CCDC83: variants seen among roughly 807,000 people sequenced by gnomAD.
CCDC83 encodes the protein coiled-coil domain-containing protein 83.
In CCDC83, 54 loss-of-function variants were observed where a neutral mutation model predicts 50.1. That is an observed-to-expected ratio of 1.08 (90% confidence interval 0.87 to 1.35). The LOEUF is 1.35. Ranked by LOEUF, CCDC83 falls within the 40% of genes most tolerant of loss-of-function variation. CCDC83 has a pLI of 0.00. For missense variants in CCDC83, 518 were observed against 473.9 expected (o/e 1.09, Z -0.86); for synonymous variants, 161 against 153.3 (o/e 1.05, Z -0.37).
intron 2 of CCDC83, among the ~76,000 whole-genome samples, chr11:85,868,298 G>A (rs1021569696): frequency 2.0e-5 from 3 of 152,132 alleles, no homozygotes; most frequent in African/African-American, 4.8e-5. Flanking sequence ...ATATAGAAAC[G>A]GGTGAGAATA....
chr11:85,884,848 C>A (rs1228447108), intron 4 of CCDC83, among the ~76,000 whole-genome samples: 1 of 152,200 alleles, frequency 6.6e-6, no homozygotes, highest in Non-Finnish European at 1.5e-5. Context: ...AACAACTACC[C>A]ATCTGGCTTA....
chr11:85,912,868 G>A, intron 8 of CCDC83: 2 of 672,968 alleles, frequency 3.0e-6, no homozygotes, highest in Admixed American at 4.4e-5. Context: ...GATCAACTCA[G>A]TCTGGTATAT....
chr11:85,857,958 G>A (rs947844612), intron 1 of CCDC83, among the ~76,000 whole-genome samples: 3 of 152,224 alleles, frequency 2.0e-5, no homozygotes, highest in Admixed American at 6.5e-5. Context: ...GATGAAGGAT[G>A]ATGCCATCAT....
At chr11:85,864,457 T>C (rs954499464) in intron 1 of CCDC83, among the ~76,000 whole-genome samples, 1 of 152,210 alleles carries the variant, frequency 6.6e-6, no homozygotes, top group African/African-American at 2.4e-5. Context: ...TGATTTTCCC[T>C]TTTAAAAGGT....
intron 3 of CCDC83, among the ~76,000 whole-genome samples, chr11:85,879,924 G>A (rs753988065): frequency 1.6e-4 from 24 of 152,088 alleles, no homozygotes; most frequent in Admixed American, 5.9e-4. Context: ...CCTTGTGTGC[G>A]TCTGTTTCTG....
intron 7 of CCDC83, among the ~76,000 whole-genome samples, chr11:85,909,099 A>G (rs1167916063): frequency 6.6e-6 from 1 of 152,098 alleles, no homozygotes; most frequent in African/African-American, 2.4e-5. Flanking sequence ...ACGCCCAGCT[A>G]ATTTTTTATT....
intron 10 of CCDC83, chr11:85,916,649 T>C (rs889896836): frequency 7.3e-5 from 15 of 206,306 alleles, no homozygotes; most frequent in African/African-American, 3.6e-4. Flanking sequence ...GAAGGCTTGA[T>C]CGGGGCAGGA....
At chr11:85,875,786 T>G (rs1443271537) in intron 3 of CCDC83, among the ~76,000 whole-genome samples, 2 of 152,226 alleles carry the variant, frequency 1.3e-5, no homozygotes, top group East Asian at 3.8e-4. Flanking sequence ...CCCTCTTCTT[T>G]CCTACACATC....
At position 85,896,237 on chromosome 11, in the gene CCDC83, G is replaced by T. The variant is rs74572977; in HGVS notation, c.603+853G>T. Among the ~76,000 whole-genome samples, 1,408 of 151,820 alleles carry T rather than the reference G, an allele frequency of 9.3e-3. 43 individuals carry two copies. The highest frequency in any genetic ancestry group is 0.061 in the East Asian group (314 of 5,144). On this transcript the variant is annotated intron_variant, in intron 6 of 10. Coordinates refer to ENST00000342404, the MANE Select transcript of CCDC83 (RefSeq NM_001286159.2). Reference sequence around the variant, plus strand: ...AACTCAGGAGTTTGAGATCAAGCTTGGGCAACAGGGCAAAACCCTGTCTCA... The same window carrying T: ...AACTCAGGAGTTTGAGATCAAGCTTTGGCAACAGGGCAAAACCCTGTCTCA...
chr11:85,883,446 A>T (rs1308292103), intron 4 of CCDC83, among the ~76,000 whole-genome samples: 4 of 152,018 alleles, frequency 2.6e-5, no homozygotes, highest in African/African-American at 9.7e-5. Context: ...GGAAATAGGG[A>T]TTAGCGTTGG....
chr11:85,910,602 C>T (rs1294169438), intron 7 of CCDC83, among the ~76,000 whole-genome samples: 21 of 152,186 alleles, frequency 1.4e-4, no homozygotes, highest in Non-Finnish European at 2.9e-4. Flanking sequence ...CTAATATGCC[C>T]TATTGCTAAA....
intron 2 of CCDC83, among the ~76,000 whole-genome samples, chr11:85,866,078 CA>C (rs2093205157): frequency 6.6e-6 from 1 of 152,028 alleles, no homozygotes; most frequent in African/African-American, 2.4e-5. Context: ...GAGCTGGAGA[CA>C]AAACCATGGG....
At chr11:85,875,013 G>A (rs2093260885) in intron 3 of CCDC83, among the ~76,000 whole-genome samples, 1 of 152,178 alleles carries the variant, frequency 6.6e-6, no homozygotes, top group African/African-American at 2.4e-5. Context: ...TGCGAAGAGT[G>A]AGCAAGGCGG....
intron 1 of CCDC83, among the ~76,000 whole-genome samples, chr11:85,861,518 T>C (rs2093176043): frequency 6.6e-6 from 1 of 152,224 alleles, no homozygotes; most frequent in Non-Finnish European, 1.5e-5. Context: ...ACTTCTGTCA[T>C]TGCTAATGCT....
At chr11:85,900,852 G>A (rs2093397930) in intron 7 of CCDC83, among the ~76,000 whole-genome samples, 1 of 151,768 alleles carries the variant, frequency 6.6e-6, no homozygotes, top group African/African-American at 2.4e-5. Context: ...ATCGCTTGAG[G>A]CCAGGAGTTC....
intron 4 of CCDC83, among the ~76,000 whole-genome samples, chr11:85,885,342 T>C (rs1022065575): frequency 6.6e-6 from 1 of 152,206 alleles, no homozygotes; most frequent in African/African-American, 2.4e-5. Context: ...CAGACATTTA[T>C]TGAGCGCCAA....
At chr11:85,879,441 G>A (rs1190762339) in intron 3 of CCDC83, among the ~76,000 whole-genome samples, 1 of 151,928 alleles carries the variant, frequency 6.6e-6, no homozygotes, top group Admixed American at 6.6e-5. Flanking sequence ...AAATCAGTTC[G>A]ACATTGAATA....
chr11:85,884,462 G>A (rs2093316910), intron 4 of CCDC83, among the ~76,000 whole-genome samples: 1 of 152,136 alleles, frequency 6.6e-6, no homozygotes, highest in African/African-American at 2.4e-5. Context: ...AGTAAGGTTT[G>A]AGAAATACTG....
intron 7 of CCDC83, among the ~76,000 whole-genome samples, chr11:85,900,549 C>G (rs1034586455): frequency 6.6e-6 from 1 of 152,146 alleles, no homozygotes; most frequent in Non-Finnish European, 1.5e-5. Flanking sequence ...GAAAACAGTC[C>G]TATTTACACA....
Sources: allele counts gnomAD v4.1 joint callset (sites outside exome capture counted in the v4.1 genomes callset), GRCh38; gene constraint gnomAD v4.1.1; transcripts MANE v1.5; gene names NCBI Gene and HGNC (gene_info 2026-07-23, HGNC 2026-07-21).